Variants in CDC14A observed in about 807,000 individuals in gnomAD.
The protein encoded by CDC14A is cell division cycle 14A.
A neutral mutation model predicts 74.4 loss-of-function variants in CDC14A; 53 were observed. That is an observed-to-expected ratio of 0.71 (90% CI 0.57 to 0.89). The LOEUF (loss-of-function observed/expected upper bound fraction) is 0.89. Ranked by LOEUF, CDC14A falls within the 40% of genes least tolerant of loss-of-function variation. The pLI is 0.00. For synonymous variants in CDC14A, 247 were observed against 258.4 expected (o/e 0.96, Z 0.43); for missense variants, 646 against 713.7 (o/e 0.91, Z 1.08).
intron 3 of CDC14A, among the ~76,000 whole-genome samples, chr1:100,389,013 A>G (rs571104902): frequency 6.6e-6 from 1 of 152,054 alleles, no homozygotes; most frequent in South Asian, 2.1e-4. Context: ...CACCTCTACG[A>G]AAAATACAAA....
chr1:100,436,826 G>A (rs1664397836), intron 5 of CDC14A, among the ~76,000 whole-genome samples: 1 of 152,060 alleles, frequency 6.6e-6, no homozygotes, highest in South Asian at 2.1e-4. Flanking sequence ...AAATTTTATT[G>A]TTTTGTCTCT....
rs186169849 is a variant in CDC14A, at chr1:100,496,065, T to G, written c.1298+16T>G. On this transcript the variant is annotated intron_variant, in intron 13 of 15. Transcript: ENST00000336454. Reference sequence around the variant, plus strand: ...AGCCTTTCAGGTACTGCCAATGAGGTTGAATGTCTAGTAGCTTGTAAATAT... The same window carrying G: ...AGCCTTTCAGGTACTGCCAATGAGGGTGAATGTCTAGTAGCTTGTAAATAT... The G allele has an allele frequency of 6.2e-7, 1 of 1,606,544 alleles. No homozygotes were observed. Among genetic ancestry groups the G allele is most frequent in the South Asian group, 1.1e-5 (1 of 90,878 alleles).
intron 15 of CDC14A, among the ~76,000 whole-genome samples, chr1:100,500,286 C>T (rs1648548868): frequency 6.6e-6 from 1 of 152,188 alleles, no homozygotes. Flanking sequence ...TGTCGCTTCA[C>T]ACTTGCTATT....
intron 11 of CDC14A, among the ~76,000 whole-genome samples, chr1:100,494,406 G>C (rs189328425): frequency 1.3e-5 from 2 of 152,244 alleles, no homozygotes; most frequent in Admixed American, 1.3e-4. Context: ...TTTTTATCTT[G>C]TATTTTTGTA....
intron 11 of CDC14A, among the ~76,000 whole-genome samples, chr1:100,494,615 G>T (rs998259399): frequency 1.3e-5 from 2 of 152,040 alleles, no homozygotes; most frequent in Non-Finnish European, 2.9e-5. Flanking sequence ...TCATTGATTT[G>T]GAATTTGACT....
chr1:100,352,350 G>A (rs1651158124), upstream of CDC14A: 1 of 571,350 alleles, frequency 1.8e-6, no homozygotes, highest in Non-Finnish European at 2.2e-6. Flanking sequence ...GGCTGCTGCG[G>A]AGAAAGGAGC....
intron 4 of CDC14A, among the ~76,000 whole-genome samples, chr1:100,398,124 C>G (rs1434316094): frequency 6.6e-6 from 1 of 152,104 alleles, no homozygotes; most frequent in Non-Finnish European, 1.5e-5. Context: ...TAATAATACC[C>G]TATTTTACTT....
intron 7 of CDC14A, among the ~76,000 whole-genome samples, chr1:100,450,965 G>T (rs1349466812): frequency 6.6e-6 from 1 of 152,040 alleles, no homozygotes; most frequent in African/African-American, 2.4e-5. Flanking sequence ...TCTCTAATTC[G>T]CATTCCTTCC....
intron 15 of CDC14A, among the ~76,000 whole-genome samples, chr1:100,503,579 G>A (rs190299857): frequency 1.7e-4 from 26 of 152,310 alleles, no homozygotes; most frequent in African/African-American, 6.0e-4. Flanking sequence ...AAGAACAAAT[G>A]TTAAGGATTC....
chr1:100,482,908 A>G (rs555928464), intron 10 of CDC14A, among the ~76,000 whole-genome samples: 2 of 152,270 alleles, frequency 1.3e-5, no homozygotes, highest in Non-Finnish European at 2.9e-5. Context: ...CCGTGTTCCC[A>G]TAAATGACAT....
At chr1:100,495,848 G>A (rs1439872787) in intron 12 of CDC14A, among the ~76,000 whole-genome samples, 154 bp from the exon 13 acceptor site, 1 of 152,204 alleles carries the variant, frequency 6.6e-6, no homozygotes, top group East Asian at 1.9e-4. Context: ...GGGATAGCAA[G>A]CCTGGTTCTG....
chr1:100,478,657 C>T (rs1455190913), intron 10 of CDC14A, among the ~76,000 whole-genome samples: 1 of 152,180 alleles, frequency 6.6e-6, no homozygotes, highest in African/African-American at 2.4e-5. Context: ...AGTTTTGGCT[C>T]TGTAAAGCAG....
At chr1:100,364,782 G>A (rs10493927) in intron 2 of CDC14A, among the ~76,000 whole-genome samples, 1,737 of 152,232 alleles carry the variant, frequency 0.011, 31 homozygotes, top group African/African-American at 0.04. Context: ...TTTTGTTTTC[G>A]TTAATCTGAG....
intron 15 of CDC14A, among the ~76,000 whole-genome samples, chr1:100,506,490 G>A (rs61555683): frequency 0.027 from 4,129 of 152,204 alleles, 187 homozygotes; most frequent in African/African-American, 0.094. Flanking sequence ...AGCATGGTTC[G>A]GATGATGCCT....
intron 5 of CDC14A, among the ~76,000 whole-genome samples, chr1:100,425,605 G>A (rs1662862276): frequency 1.3e-5 from 2 of 152,174 alleles, no homozygotes; most frequent in South Asian, 4.1e-4. Flanking sequence ...TTAAAGTGAA[G>A]TCAAGGAGTA....
At chr1:100,499,283 T>C (rs765563046) in intron 15 of CDC14A, 21 bp downstream of exon 15, 1 of 1,614,168 alleles carries the variant, frequency 6.2e-7, no homozygotes, top group South Asian at 1.1e-5. Flanking sequence ...AGACACCACC[T>C]CCTGGTCCTC....
At chr1:100,427,106 T>C (rs3767828) in intron 5 of CDC14A, among the ~76,000 whole-genome samples, 20,491 of 152,172 alleles carry the variant, frequency 0.13, 1,560 homozygotes, top group Non-Finnish European at 0.16. Context: ...TGGCCTTCAT[T>C]ATAATCTGGG....
intron 4 of CDC14A, among the ~76,000 whole-genome samples, chr1:100,409,633 C>T (rs184396009): frequency 4.5e-4 from 68 of 152,310 alleles, no homozygotes; most frequent in East Asian, 2.1e-3. Flanking sequence ...GTTCAAAATA[C>T]GGCAGAGCTG....
chr1:100,515,159 T>C (rs902413312), intron 15 of CDC14A, among the ~76,000 whole-genome samples: 4 of 152,166 alleles, frequency 2.6e-5, no homozygotes, highest in African/African-American at 4.8e-5. Context: ...TACTTGTGTT[T>C]TTCCTTGAGG....
Sources: gnomAD v4.1 joint callset for allele counts (sites outside exome capture counted in the v4.1 genomes callset) on GRCh38, gnomAD v4.1.1 for gene constraint, MANE v1.5 for transcripts, NCBI Gene and HGNC (gene_info 2026-07-23, HGNC 2026-07-21) for gene names.